The following ZBTB38 variants were observed in gnomAD, a reference collection of about 807,000 sequenced individuals.
ZBTB38 encodes zinc finger and BTB domain-containing protein 38.
ZBTB38 carries 20 observed loss-of-function variants against 76.8 expected under a neutral mutation model. The observed-to-expected ratio is 0.26, with a 90% CI of 0.18 to 0.38. ZBTB38 has a LOEUF of 0.38. ZBTB38 is among the 10% of genes least tolerant of loss of function. The pLI is 1.00. For synonymous variants in ZBTB38, 504 were observed against 544.2 expected (o/e 0.93, Z 1.03); for missense variants, 1,082 against 1,482.3 (o/e 0.73, Z 4.43).
At chr3:141,412,293 A>G (rs1221687774) in intron 5 of ZBTB38, among the ~76,000 whole-genome samples, 3 of 152,198 alleles carry the variant, frequency 2.0e-5, no homozygotes, top group Non-Finnish European at 4.4e-5. Flanking sequence ...AGTGCCTCGT[A>G]TTCCCAAAAG....
chr3:141,444,362 G>T lies in ZBTB38; in HGVS notation c.1974G>T (p.Glu658Asp). ...CAGAGGGTACCAAATGGGGAGAGGA[G>T]GCATTGAAAATGGATCTTGACAATA... is the stretch of plus-strand genomic sequence containing the variant. ...QNAEGTKWGE[E>D]ALKMDLDNNF... The change falls in exon 6 of 6, where the codon GAG becomes GAT. Residue 658 changes from glutamate (E) to aspartate (D), a missense_variant. By Grantham distance (45) the Glu-to-Asp change is conservative. Coordinates refer to ENST00000321464, the MANE Select transcript of ZBTB38 (RefSeq NM_001376113.1). The surrounding 1 kb of genome is among the most constrained non-coding windows in gnomAD (Gnocchi z 5.1). 6.2e-7 allele frequency: 1 copy of T among 1,614,170 alleles called. No individual in the cohort carries two copies. Among genetic ancestry groups the T allele is most frequent in the South Asian group, 1.1e-5 (1 of 91,084 alleles).
chr3:141,367,984 C>T (rs1944035422), upstream of ZBTB38, among the ~76,000 whole-genome samples: 1 of 152,100 alleles, frequency 6.6e-6, no homozygotes, highest in South Asian at 2.1e-4. Flanking sequence ...GGAGCGAAGC[C>T]CAGGGCCACA....
At chr3:141,379,457 C>T (rs1266423833) in intron 2 of ZBTB38, among the ~76,000 whole-genome samples, 1 of 152,206 alleles carries the variant, frequency 6.6e-6, no homozygotes, top group Non-Finnish European at 1.5e-5. Context: ...CAGGACTGGC[C>T]TCAGCCTCCA....
At chr3:141,347,992 T>C (rs1943413097) in intron 1 of ZBTB38, among the ~76,000 whole-genome samples, 1 of 152,256 alleles carries the variant, frequency 6.6e-6, no homozygotes, top group African/African-American at 2.4e-5. Flanking sequence ...ATGTCATGGT[T>C]AAAACACATT....
Position 141,423,654 on chromosome 3 carries a change from G to A in ZBTB38, c.1-18735G>A, listed in dbSNP as rs1354876101. Among the ~76,000 whole-genome samples, 4 of 152,300 alleles carry A rather than the reference G, an allele frequency of 2.6e-5. No individual in the cohort carries two copies. The East Asian group carries it at 7.7e-4, about 29-fold the overall frequency. Reference sequence around the variant, plus strand: ...TTGGAACTATCAACTACATTTGACAGTTCCCGGTAATTTAATCAAGGACTT... The same window carrying A: ...TTGGAACTATCAACTACATTTGACAATTCCCGGTAATTTAATCAAGGACTT... On this transcript the variant is annotated intron_variant, in intron 5 of 5. Transcript: ENST00000321464.
At chr3:141,432,311 G>T (rs2077795647) in intron 5 of ZBTB38, 2 of 978,892 alleles carry the variant, frequency 2.0e-6, no homozygotes, top group Non-Finnish European at 1.2e-6. Context: ...TTTTATAGAA[G>T]ACAACTTGCC....
intron 4 of ZBTB38, among the ~76,000 whole-genome samples, chr3:141,403,409 T>C (rs916416593): frequency 2.6e-5 from 4 of 152,156 alleles, no homozygotes; most frequent in African/African-American, 9.7e-5. Context: ...CATTCTAAGA[T>C]TGTGGGATCA....
At chr3:141,414,955 T>C (rs1014339304) in intron 5 of ZBTB38, among the ~76,000 whole-genome samples, 4 of 152,072 alleles carry the variant, frequency 2.6e-5, no homozygotes, top group Non-Finnish European at 2.9e-5. Context: ...CTTTTAACCC[T>C]GCCCTTTCTT....
At chr3:141,362,752 G>T (rs1403775392) in intron 1 of ZBTB38, among the ~76,000 whole-genome samples, 1 of 152,132 alleles carries the variant, frequency 6.6e-6, no homozygotes, top group Non-Finnish European at 1.5e-5. Flanking sequence ...GGTGTAAGAG[G>T]CTTGGATAGG....
At chr3:141,344,720 A>G (rs1307385483) in intron 1 of ZBTB38, among the ~76,000 whole-genome samples, 6 of 152,116 alleles carry the variant, frequency 3.9e-5, no homozygotes, top group African/African-American at 9.7e-5. Context: ...ACCTTTCTTC[A>G]TAGTCATGTC....
At chr3:141,359,252 A>G (rs768835216) in intron 1 of ZBTB38, among the ~76,000 whole-genome samples, 2 of 152,230 alleles carry the variant, frequency 1.3e-5, no homozygotes, top group Non-Finnish European at 2.9e-5. Context: ...CTGCTCTTCA[A>G]GGAATCACCT....
At chr3:141,434,870 G>A (rs906447682) in intron 5 of ZBTB38, among the ~76,000 whole-genome samples, 38 of 152,062 alleles carry the variant, frequency 2.5e-4, no homozygotes, top group African/African-American at 8.4e-4. Flanking sequence ...TGGTGGCTCA[G>A]GCCTGTAATC....
intron 5 of ZBTB38, among the ~76,000 whole-genome samples, chr3:141,405,341 A>T (rs536331112): frequency 5.5e-4 from 84 of 152,246 alleles, no homozygotes; most frequent in Non-Finnish European, 1.1e-3. Context: ...GCCATTTAAA[A>T]TGTCTTAATA....
intron 5 of ZBTB38, among the ~76,000 whole-genome samples, chr3:141,428,888 C>T (rs2076895460): frequency 6.6e-6 from 1 of 152,094 alleles, no homozygotes; most frequent in Non-Finnish European, 1.5e-5. Flanking sequence ...CAATTTTATT[C>T]AATATTGGGG....
At chr3:141,433,824 T>C (rs898059669) in intron 5 of ZBTB38, among the ~76,000 whole-genome samples, 4 of 152,232 alleles carry the variant, frequency 2.6e-5, no homozygotes, top group African/African-American at 4.8e-5. Flanking sequence ...AAGGAATTTT[T>C]TAATAGCCTT....
intron 5 of ZBTB38, among the ~76,000 whole-genome samples, chr3:141,416,472 C>T (rs1166112928): frequency 2.0e-5 from 3 of 152,158 alleles, no homozygotes; most frequent in African/African-American, 7.2e-5. Context: ...AGCTGGCTCG[C>T]TCTCCCTTCC....
intron 5 of ZBTB38, among the ~76,000 whole-genome samples, chr3:141,415,542 A>G (rs553058695): frequency 1.3e-5 from 2 of 152,300 alleles, no homozygotes; most frequent in South Asian, 4.1e-4. Context: ...AAATGCACTT[A>G]ACAAGATCCT....
At chr3:141,380,001 T>A (rs1945958481) in intron 2 of ZBTB38, among the ~76,000 whole-genome samples, 1 of 152,260 alleles carries the variant, frequency 6.6e-6, no homozygotes, top group Non-Finnish European at 1.5e-5. Flanking sequence ...ATTAATTCAA[T>A]TAACCTATAA....
chr3:141,403,499 G>A (rs558402302), intron 4 of ZBTB38, among the ~76,000 whole-genome samples: 4 of 152,222 alleles, frequency 2.6e-5, no homozygotes, highest in Non-Finnish European at 5.9e-5. Flanking sequence ...AAAAAATAAC[G>A]TGCATTGCAC....
Sources: gnomAD v4.1 joint callset for allele counts (sites outside exome capture counted in the v4.1 genomes callset) on GRCh38, gnomAD v4.1.1 for gene constraint, Gnocchi (gnomAD v3.1) non-coding constraint, MANE v1.5 for transcripts, NCBI Gene and HGNC (gene_info 2026-07-23, HGNC 2026-07-21) for gene names.